Variants in COL14A1 observed in about 807,000 individuals in gnomAD.
COL14A1 encodes the protein collagen type XIV alpha 1 chain.
Under a neutral mutation model 230.3 loss-of-function variants are expected in COL14A1, and 136 were observed. The ratio of observed to expected loss-of-function variants is 0.59; its 90% CI spans 0.51 to 0.68. The LOEUF is 0.68. COL14A1 is among the 30% of genes least tolerant of loss of function. The probability of loss-of-function intolerance (pLI) is 0.00; values close to 1 mark genes in which losing one functional copy is unlikely to be tolerated. For missense variants in COL14A1, 1,976 were observed against 2,215.8 expected (o/e 0.89, Z 2.17); for synonymous variants, 792 against 784.1 (o/e 1.01, Z -0.17).
At chr8:120,289,534 A>G (rs891916797) in intron 33 of COL14A1, 74 bp from the exon 34 acceptor site, 1 of 1,314,272 alleles carries the variant, frequency 7.6e-7, no homozygotes, top group African/African-American at 1.5e-5. Flanking sequence ...GTAATGATGA[A>G]TCATACAATT....
chr8:120,292,903 C>T (rs1040637477), intron 34 of COL14A1, among the ~76,000 whole-genome samples: 6 of 151,994 alleles, frequency 3.9e-5, no homozygotes, highest in African/African-American at 9.7e-5. Context: ...ATAGAAATTA[C>T]GTTCTTAATA....
intron 11 of COL14A1, 96 bp downstream of exon 11, chr8:120,208,457 A>G (rs922494628): frequency 7.5e-7 from 1 of 1,324,986 alleles, no homozygotes; most frequent in Non-Finnish European, 1.0e-6. Context: ...GTTGATAGAC[A>G]TCCTGAATCG....
chr8:120,264,537 T>C (rs1819448759), intron 24 of COL14A1, among the ~76,000 whole-genome samples: 1 of 152,162 alleles, frequency 6.6e-6, no homozygotes, highest in Non-Finnish European at 1.5e-5. Context: ...AATAAAAGAA[T>C]ACTCATTGAA....
chr8:120,273,196 G>A (rs564637073), intron 26 of COL14A1, among the ~76,000 whole-genome samples: 1 of 151,716 alleles, frequency 6.6e-6, no homozygotes, highest in Non-Finnish European at 1.5e-5. Flanking sequence ...AATGATTTTT[G>A]GGTTAATAAT....
chr8:120,231,666 C>T, intron 19 of COL14A1, 48 bp downstream of exon 19: 1 of 1,580,028 alleles, frequency 6.3e-7, no homozygotes, highest in Non-Finnish European at 8.6e-7. Context: ...GTTACTAACA[C>T]AGCTAATAAG....
chr8:120,350,209 C>G (rs567592973), intron 45 of COL14A1, among the ~76,000 whole-genome samples: 35 of 152,230 alleles, frequency 2.3e-4, no homozygotes, highest in African/African-American at 8.4e-4. Flanking sequence ...CACCACCATG[C>G]CTGCCCTAAA....
intron 25 of COL14A1, among the ~76,000 whole-genome samples, chr8:120,269,633 A>G (rs897273332): frequency 3.3e-5 from 5 of 151,816 alleles, no homozygotes; most frequent in Admixed American, 2.0e-4. Flanking sequence ...CAATAAGAAA[A>G]GGACAGGGTG....
intron 8 of COL14A1, among the ~76,000 whole-genome samples, chr8:120,203,097 A>T (rs1817308540): frequency 6.7e-6 from 1 of 149,700 alleles, no homozygotes; most frequent in African/African-American, 2.4e-5. Flanking sequence ...ATAGTTTAGG[A>T]TGCTGGTTTA....
rs773894421 is a variant in COL14A1 at position 120,231,647 on chromosome 8, T to G, written c.2349+29T>G. On this transcript the variant is annotated intron_variant, in intron 19 of 47. Coordinates refer to ENST00000297848, the MANE Select transcript of COL14A1 (RefSeq NM_021110.4). ...TGTATAAATTCAACTGACTAGAAAC[T>G]CTGCAGATGTTACTAACACAGCTAA... is the stretch of plus-strand genomic sequence containing the variant. The G allele has an allele frequency of 1.3e-5, 21 of 1,604,312 alleles. No individual in the cohort carries two copies. The Admixed American group carries it at 3.4e-4, about 26-fold the overall frequency.
chr8:120,360,427 C>T lies in COL14A1; in HGVS notation c.5078-6744C>T, dbSNP rs143908142. Among the ~76,000 whole-genome samples the T allele has an allele frequency of 5.3e-3, 806 of 152,274 alleles. 4 individuals are homozygous for T. The highest frequency in any genetic ancestry group is 9.0e-3 in the Non-Finnish European group (614 of 68,026). On this transcript the variant is annotated intron_variant, in intron 45 of 47. Transcript: ENST00000297848. ...CCTAGACTAGCCTTATATTCTATTG[C>T]CTGTGAAACAACCTGAAACTGCCAA...
Position 120,254,403 on chromosome 8 carries a change from A to AT in COL14A1, c.2753-837_2753-836insT, listed in dbSNP as rs376704730. Reference sequence around the variant, plus strand: ...AATCTTTTATTTTTAAATTTTCAAAAGTGTTTATTCAATCGTGTTTTGAAG... The same window carrying AT: ...AATCTTTTATTTTTAAATTTTCAAAATGTGTTTATTCAATCGTGTTTTGAAG... On this transcript the variant is annotated intron_variant, in intron 22 of 47. Transcript: ENST00000297848. 1.4e-3 allele frequency among the ~76,000 whole-genome samples: 207 copies of AT among 152,262 alleles called. 1 individual carries two copies. The highest frequency in any genetic ancestry group is 4.8e-3 in the African/African-American group (199 of 41,564).
At chr8:120,270,491 A>C (rs1244229558) in intron 26 of COL14A1, among the ~76,000 whole-genome samples, 1 of 151,776 alleles carries the variant, frequency 6.6e-6, no homozygotes, top group Non-Finnish European at 1.5e-5. Context: ...GCCCTTAAGC[A>C]CTTTAAAATC....
chr8:120,135,488 C>T (rs986657219), intron 1 of COL14A1, among the ~76,000 whole-genome samples: 1 of 152,170 alleles, frequency 6.6e-6, no homozygotes, highest in African/African-American at 2.4e-5. Flanking sequence ...TGGTCTCGAA[C>T]TCCCAACCTC....
chr8:120,128,029 T>A (rs1485109395), intron 1 of COL14A1, among the ~76,000 whole-genome samples: 3 of 152,124 alleles, frequency 2.0e-5, no homozygotes, highest in Non-Finnish European at 4.4e-5. Context: ...TAAAGGAAAG[T>A]GATAAAAATA....
chr8:120,228,722 G>C lies in COL14A1; in HGVS notation c.2150G>C (p.Trp717Ser). ...TAVGTTLDSF[W>S]TEPATTIVPT... ...ATATTGCTTTTAGTTGACAGTTTTTGGACAGAACCAGCTACAACCATAGTG... is the reference window on the plus strand; with the variant it reads ...ATATTGCTTTTAGTTGACAGTTTTTCGACAGAACCAGCTACAACCATAGTG... The change falls in exon 18 of 48, where the codon TGG becomes TCG. Residue 717 changes from tryptophan to serine, a missense_variant. Trp to Ser is a radical substitution (Grantham distance 177). Around this residue, in one of 3 missense-constraint regions of COL14A1, gnomAD observed 1,791 missense variants for 2,019.5 expected, o/e 0.89. Transcript: ENST00000297848. 6.2e-7 allele frequency: 1 copy of C among 1,613,544 alleles called. No homozygotes were observed. The highest frequency in any genetic ancestry group is 8.5e-7 in the Non-Finnish European group (1 of 1,179,644).
intron 5 of COL14A1, among the ~76,000 whole-genome samples, chr8:120,175,005 T>C (rs755194333): frequency 3.9e-5 from 6 of 152,194 alleles, no homozygotes; most frequent in Non-Finnish European, 7.4e-5. Flanking sequence ...ATACTGCTCT[T>C]TGTTTTCCCT....
chr8:120,281,447 C>T (rs919336022), intron 31 of COL14A1, among the ~76,000 whole-genome samples: 5 of 151,814 alleles, frequency 3.3e-5, no homozygotes, highest in Non-Finnish European at 7.4e-5. Flanking sequence ...CACCTGTAGT[C>T]CCAGCTACTC....
chr8:120,211,642 T>C (rs1214367011), intron 12 of COL14A1, among the ~76,000 whole-genome samples: 1 of 152,202 alleles, frequency 6.6e-6, no homozygotes, highest in East Asian at 1.9e-4. Context: ...ATTTGAGTAA[T>C]GGGTACATCA....
chr8:120,163,052 A>G (rs1177876697), intron 4 of COL14A1, among the ~76,000 whole-genome samples: 1 of 152,198 alleles, frequency 6.6e-6, no homozygotes, highest in African/African-American at 2.4e-5. Flanking sequence ...GTCTGAATGG[A>G]TAATGCCTGC....
Sources: allele counts gnomAD v4.1 joint callset (sites outside exome capture counted in the v4.1 genomes callset), GRCh38; gene constraint gnomAD v4.1.1; regional missense constraint gnomAD v4.1.1; transcripts MANE v1.5; gene names NCBI Gene and HGNC (gene_info 2026-07-23, HGNC 2026-07-21).